Variants in SH3D19 observed in about 807,000 individuals in gnomAD.
SH3D19 encodes the protein SH3 domain containing 19.
A neutral mutation model predicts 112.1 loss-of-function variants in SH3D19; 58 were observed. The ratio of observed to expected loss-of-function variants is 0.52; its 90% CI spans 0.42 to 0.64. SH3D19 has a LOEUF of 0.64. Among genes scored for constraint, SH3D19 ranks in the 30% least tolerant of loss-of-function variants. SH3D19 has a pLI of 0.00. For synonymous variants in SH3D19, 391 were observed against 448.5 expected, an observed-to-expected ratio of 0.87 and a Z score of 1.62; for missense variants, 1,090 against 1,263.4, an observed-to-expected ratio of 0.86 and a Z score of 2.08.
At chr4:151,195,948 A>G (rs1763398177) in intron 2 of SH3D19, among the ~76,000 whole-genome samples, 1 of 151,712 alleles carries the variant, frequency 6.6e-6, no homozygotes, top group African/African-American at 2.4e-5. Context: ...AAGAAAAAAG[A>G]ATTTTCTCAA....
intron 1 of SH3D19, among the ~76,000 whole-genome samples, chr4:151,237,671 G>A (rs1438046389): frequency 2.6e-5 from 4 of 152,098 alleles, no homozygotes; most frequent in African/African-American, 7.2e-5. Context: ...ATGAATAAAG[G>A]TACACAAAGG....
chr4:151,122,818 T>A (rs1235658950), intron 19 of SH3D19, among the ~76,000 whole-genome samples: 1 of 151,742 alleles, frequency 6.6e-6, no homozygotes, highest in Non-Finnish European at 1.5e-5. Flanking sequence ...GTCCTAGAGA[T>A]GAGTACTATG....
rs34271780 is a variant in SH3D19 at position 151,264,427 on chromosome 4, C to CAAAA, written c.113-38345_113-38342dup. Among the ~76,000 whole-genome samples, 32 of 106,004 alleles carry CAAAA rather than the reference C, an allele frequency of 3.0e-4. No individual in the cohort carries two copies. In the South Asian group the frequency reaches 8.3e-3, roughly 27 times the overall value. 69.5% of individuals were successfully genotyped at this position (106,004 alleles called of 152,430 possible). A position where few individuals can be genotyped will look rare whatever the true frequency, so the allele number is the denominator to read the frequency against. On this transcript the variant is annotated intron_variant, in intron 1 of 19. Coordinates refer to ENST00000604030, the MANE Select transcript of SH3D19 (RefSeq NM_001378122.1). ...TGGGCAACAGAGTGAGACTCTGTCT[C>CAAAA]AAAAAAAAAAAAAAAAACCAAACAA... is the stretch of plus-strand genomic sequence containing the variant.
intron 1 of SH3D19, among the ~76,000 whole-genome samples, chr4:151,232,364 T>C (rs897006035): frequency 5.3e-5 from 5 of 95,022 alleles, no homozygotes; most frequent in Non-Finnish European, 1.3e-4. Context: ...GCTGGCCAAA[T>C]AAATCTAGGC....
At chr4:151,167,824 A>C (rs868155477) in intron 7 of SH3D19, among the ~76,000 whole-genome samples, 1 of 124,192 alleles carries the variant, frequency 8.1e-6, no homozygotes, top group African/African-American at 3.2e-5. Flanking sequence ...TCTGGGAAGT[A>C]AGGAGCGCCT....
At chr4:151,192,944 G>A (rs1169761733) in intron 2 of SH3D19, among the ~76,000 whole-genome samples, 1 of 150,698 alleles carries the variant, frequency 6.6e-6, no homozygotes, top group African/African-American at 2.4e-5. Flanking sequence ...ATGTTGCCTT[G>A]TCCTTTCCAA....
At chr4:151,229,099 G>A (rs1039897509) in intron 1 of SH3D19, among the ~76,000 whole-genome samples, 3 of 147,906 alleles carry the variant, frequency 2.0e-5, no homozygotes, top group Non-Finnish European at 3.0e-5. Context: ...CTCAAACTTC[G>A]GGACTCAAGC....
At chr4:151,306,677 G>C (rs974671251) in intron 1 of SH3D19, among the ~76,000 whole-genome samples, 1 of 152,166 alleles carries the variant, frequency 6.6e-6, no homozygotes, top group African/African-American at 2.4e-5. Flanking sequence ...TGTGCTCAAG[G>C]AGCTATTGAA....
chr4:151,151,105 C>T (rs1579806448), intron 9 of SH3D19, among the ~76,000 whole-genome samples: 1 of 151,944 alleles, frequency 6.6e-6, no homozygotes, highest in African/African-American at 2.4e-5. Flanking sequence ...AGACTACAGG[C>T]GTGTGCCACC....
chr4:151,292,003 GA>G (rs201548323), intron 1 of SH3D19, among the ~76,000 whole-genome samples: 3 of 150,726 alleles, frequency 2.0e-5, no homozygotes, highest in Middle Eastern at 3.4e-3. Context: ...AAAAAAAGAA[GA>G]AAAAAAAAGA....
intron 18 of SH3D19, among the ~76,000 whole-genome samples, 179 bp downstream of exon 18, chr4:151,127,990 AT>A (rs1451135803): frequency 4.6e-5 from 7 of 152,364 alleles, no homozygotes; most frequent in African/African-American, 1.7e-4. Context: ...TGAAGACATT[AT>A]CTTTTTTTTC....
intron 1 of SH3D19, chr4:151,226,495 A>AG: frequency 2.0e-6 from 2 of 987,608 alleles, no homozygotes; most frequent in Middle Eastern, 5.2e-4. Context: ...CAGAATGGGG[A>AG]GGGGGAAAAA....
intron 3 of SH3D19, among the ~76,000 whole-genome samples, chr4:151,180,068 G>C (rs1760604048): frequency 6.6e-6 from 1 of 152,122 alleles, no homozygotes; most frequent in Non-Finnish European, 1.5e-5. Flanking sequence ...ATGTTTCGCA[G>C]AGATGAGGTT....
chr4:151,173,595 T>A (rs1015009101), intron 7 of SH3D19, among the ~76,000 whole-genome samples: 3 of 152,230 alleles, frequency 2.0e-5, no homozygotes, highest in African/African-American at 7.2e-5. Context: ...TATTCAAATG[T>A]TTTTCCTTCC....
intron 19 of SH3D19, among the ~76,000 whole-genome samples, chr4:151,123,306 G>A (rs564177476): frequency 1.3e-5 from 2 of 152,294 alleles, no homozygotes; most frequent in Middle Eastern, 3.4e-3. Context: ...ACTAGGCTAT[G>A]TGGCCGCCAG....
chr4:151,159,819 C>T (rs1399482248), intron 8 of SH3D19, among the ~76,000 whole-genome samples: 1 of 152,164 alleles, frequency 6.6e-6, no homozygotes, highest in African/African-American at 2.4e-5. Flanking sequence ...TGACTAGTGG[C>T]TACCAGCACA....
chr4:151,212,215 G>A (rs544761232), intron 2 of SH3D19, among the ~76,000 whole-genome samples: 1 of 152,322 alleles, frequency 6.6e-6, no homozygotes, highest in African/African-American at 2.4e-5. Flanking sequence ...GTACAGTGCT[G>A]TGATCAAGGC....
intron 1 of SH3D19, among the ~76,000 whole-genome samples, chr4:151,322,817 C>T (rs1355165502): frequency 2.0e-5 from 3 of 152,280 alleles, no homozygotes; most frequent in African/African-American, 7.2e-5. Context: ...CAAGTCATTA[C>T]TTGCTTTCTG....
chr4:151,122,511 T>TCTCA (rs1554028070), intron 19 of SH3D19, among the ~76,000 whole-genome samples: 2 of 148,520 alleles, frequency 1.3e-5, no homozygotes, highest in East Asian at 2.0e-4. Context: ...ATACCAGTTA[T>TCTCA]CACACACACA....
Sources: allele counts gnomAD v4.1 joint callset (sites outside exome capture counted in the v4.1 genomes callset), GRCh38; gene constraint gnomAD v4.1.1; transcripts MANE v1.5; gene names NCBI Gene and HGNC (gene_info 2026-07-23, HGNC 2026-07-21).